MDGA2: variants seen among roughly 807,000 people sequenced by gnomAD.
MDGA2 encodes the protein MAM domain containing glycosylphosphatidylinositol anchor 2.
MDGA2 carries 40 observed loss-of-function variants against 117.8 expected under a neutral mutation model. That is an observed-to-expected ratio of 0.34 (90% CI 0.26 to 0.44). MDGA2 has a LOEUF of 0.44. MDGA2 is among the 20% of genes least tolerant of loss of function. The pLI is 1.00. For missense variants in MDGA2, 1,123 were observed against 1,250.6 expected (o/e 0.90, Z 1.54); for synonymous variants, 452 against 439.0 (o/e 1.03, Z -0.37).
intron 2 of MDGA2, among the ~76,000 whole-genome samples, chr14:47,279,576 A>C (rs118024184): frequency 0.028 from 4,192 of 152,172 alleles, 142 homozygotes; most frequent in East Asian, 0.18. Flanking sequence ...TTACTACTTA[A>C]TGTATTCAAA....
chr14:46,911,932 A>G (rs1354176135), intron 10 of MDGA2, among the ~76,000 whole-genome samples: 2 of 152,230 alleles, frequency 1.3e-5, no homozygotes, highest in East Asian at 3.9e-4. Flanking sequence ...ACAGGAACCA[A>G]CACTGAACAG....
At chr14:47,248,167 A>G (rs1187843034) in intron 2 of MDGA2, among the ~76,000 whole-genome samples, 2 of 151,560 alleles carry the variant, frequency 1.3e-5, no homozygotes, top group Non-Finnish European at 3.0e-5. Context: ...TACCCAGTAA[A>G]GGGATTGCTG....
intron 1 of MDGA2, among the ~76,000 whole-genome samples, chr14:47,310,352 A>G (rs1413198302): frequency 6.6e-6 from 1 of 152,158 alleles, no homozygotes; most frequent in Non-Finnish European, 1.5e-5. Context: ...GCAGTCACGC[A>G]TAGCCATCGG....
intron 3 of MDGA2, among the ~76,000 whole-genome samples, chr14:47,161,927 C>CTTTTTTTTTTTTTTTTTTTTTTTTT (rs71112489): frequency 1.9e-5 from 1 of 52,510 alleles, no homozygotes; most frequent in Non-Finnish European, 3.5e-5. Context: ...TCCCCAGATC[C>CTTTTTTTTTTTTTTTTTTTTTTTTT]TTTTTTTTTT....
intron 9 of MDGA2, among the ~76,000 whole-genome samples, chr14:46,945,991 G>C (rs1885159742): frequency 6.6e-6 from 1 of 152,030 alleles, no homozygotes; most frequent in Non-Finnish European, 1.5e-5. Flanking sequence ...ATATGGTTAA[G>C]TAGATAGTGT....
chr14:47,483,784 T>C (rs1894000654), intron 1 of MDGA2, among the ~76,000 whole-genome samples: 1 of 152,230 alleles, frequency 6.6e-6, no homozygotes, highest in Non-Finnish European at 1.5e-5. Context: ...GGTTGGCATC[T>C]ATTTTCATCT....
intron 8 of MDGA2, among the ~76,000 whole-genome samples, chr14:46,993,943 G>C (rs1434117930): frequency 6.6e-6 from 1 of 152,094 alleles, no homozygotes. Context: ...GTTGGGAACT[G>C]GTCACACCCA....
intron 2 of MDGA2, among the ~76,000 whole-genome samples, chr14:47,261,442 A>C (rs570403646): frequency 2.0e-5 from 3 of 152,162 alleles, no homozygotes; most frequent in African/African-American, 7.2e-5. Flanking sequence ...AGTAAGGATC[A>C]AGTTTTATAA....
At chr14:47,403,308 T>G (rs1250734635) in intron 1 of MDGA2, among the ~76,000 whole-genome samples, 1 of 149,438 alleles carries the variant, frequency 6.7e-6, no homozygotes, top group East Asian at 1.9e-4. Context: ...TCCTTAAAAA[T>G]CTTCTCTTAT....
At chr14:47,350,688 T>C (rs1321865346) in intron 1 of MDGA2, among the ~76,000 whole-genome samples, 2 of 152,190 alleles carry the variant, frequency 1.3e-5, no homozygotes, top group Non-Finnish European at 2.9e-5. Flanking sequence ...TGGGAGAATG[T>C]ATCTTAGAGG....
At chr14:47,060,088 A>AT (rs1199860625) in intron 7 of MDGA2, among the ~76,000 whole-genome samples, 3 of 152,100 alleles carry the variant, frequency 2.0e-5, no homozygotes, top group Admixed American at 6.6e-5. Flanking sequence ...ATATGTTAGA[A>AT]TTTTTTTAAA....
chr14:47,393,093 AAATAATAAT>A (rs10601470), intron 1 of MDGA2, among the ~76,000 whole-genome samples: 18 of 147,390 alleles, frequency 1.2e-4, no homozygotes, highest in African/African-American at 3.2e-4. Context: ...CAGATAATTA[AAATAATAAT>A]AATAATAATA....
intron 4 of MDGA2, among the ~76,000 whole-genome samples, chr14:47,136,204 T>G (rs2139171235): frequency 6.6e-6 from 1 of 150,736 alleles, no homozygotes; most frequent in South Asian, 2.1e-4. Context: ...TCTCTTTTTT[T>G]TTTTTTTTTT....
chr14:46,915,769 G>A (rs185970830), intron 10 of MDGA2, among the ~76,000 whole-genome samples: 6 of 152,240 alleles, frequency 3.9e-5, no homozygotes, highest in South Asian at 2.1e-4. Context: ...AAGGAACTGC[G>A]GGGGACATGT....
intron 8 of MDGA2, among the ~76,000 whole-genome samples, chr14:46,975,287 T>C (rs1886413307): frequency 6.6e-6 from 1 of 152,112 alleles, no homozygotes; most frequent in Non-Finnish European, 1.5e-5. Flanking sequence ...AACAGTATAG[T>C]TGTTTCTCAC....
At chr14:47,000,174 T>C (rs963323712) in intron 8 of MDGA2, among the ~76,000 whole-genome samples, 1 of 150,936 alleles carries the variant, frequency 6.6e-6, no homozygotes, top group African/African-American at 2.4e-5. Flanking sequence ...GCCAGATATA[T>C]TTAATTCTCA....
intron 5 of MDGA2, among the ~76,000 whole-genome samples, chr14:47,128,099 A>C (rs1006421392): frequency 1.3e-5 from 2 of 152,152 alleles, no homozygotes; most frequent in African/African-American, 4.8e-5. Flanking sequence ...ACAACATAAA[A>C]ATATTAAATA....
At chr14:47,068,932 TCTG>T (rs1378903950) in intron 6 of MDGA2, among the ~76,000 whole-genome samples, 4 of 152,186 alleles carry the variant, frequency 2.6e-5, no homozygotes, top group African/African-American at 9.7e-5. Context: ...CCAAAGTGAT[TCTG>T]CCCCTTCTGC....
intron 7 of MDGA2, among the ~76,000 whole-genome samples, chr14:47,056,394 A>G (rs1227088790): frequency 1.3e-5 from 2 of 152,136 alleles, no homozygotes; most frequent in Admixed American, 6.6e-5. Context: ...GATTTTCTCA[A>G]TTGGTCACCA....
Sources: gnomAD v4.1 joint callset for allele counts (sites outside exome capture counted in the v4.1 genomes callset) on GRCh38, gnomAD v4.1.1 for gene constraint, MANE v1.5 for transcripts, NCBI Gene and HGNC (gene_info 2026-07-23, HGNC 2026-07-21) for gene names.